The following DLEC1 variants were observed in gnomAD, a reference collection of about 807,000 sequenced individuals.
The protein encoded by DLEC1 is DLEC1 cilia and flagella associated protein, also known as deleted in lung and esophageal cancer protein 1.
Under a neutral mutation model 198.1 loss-of-function variants are expected in DLEC1, and 146 were observed. The ratio of observed to expected loss-of-function variants is 0.74; its 90% CI spans 0.64 to 0.85. The LOEUF (loss-of-function observed/expected upper bound fraction) is 0.85, where lower values mean the gene tolerates loss of function less well. Among genes scored for constraint, DLEC1 ranks in the 40% least tolerant of loss-of-function variants. DLEC1 has a pLI of 0.00. For synonymous variants in DLEC1, 897 were observed against 866.8 expected (o/e 1.03, Z -0.61); for missense variants, 2,233 against 2,220.0 (o/e 1.01, Z -0.12).
intron 2 of DLEC1, among the ~76,000 whole-genome samples, chr3:38,053,281 C>T (rs1358233474): frequency 2.6e-5 from 4 of 151,516 alleles, no homozygotes; most frequent in African/African-American, 7.3e-5. Context: ...CCCCTCTGCC[C>T]GGCCGCCCAG....
At chr3:38,085,489 G>C in intron 8 of DLEC1, 42 bp downstream of exon 8, 1 of 1,607,254 alleles carries the variant, frequency 6.2e-7, no homozygotes, top group Non-Finnish European at 8.5e-7. Flanking sequence ...AGTTAAGGTT[G>C]GAGAGTCCCC....
At chr3:38,114,293 T>G (rs994085246) in intron 25 of DLEC1, 49 bp from the exon 26 acceptor site, 1 of 1,591,770 alleles carries the variant, frequency 6.3e-7, no homozygotes, top group Non-Finnish European at 8.6e-7. Flanking sequence ...AGAGGGGATG[T>G]GGTCGCAACC....
chr3:38,058,239 C>G (rs1696483961), intron 2 of DLEC1, among the ~76,000 whole-genome samples: 1 of 152,226 alleles, frequency 6.6e-6, no homozygotes, highest in Admixed American at 6.5e-5. Flanking sequence ...ACTCCCATAT[C>G]TTCTTGCCTG....
intron 28 of DLEC1, 34 bp from the exon 29 acceptor site, chr3:38,116,739 G>T: frequency 1.2e-6 from 2 of 1,608,120 alleles, no homozygotes; most frequent in South Asian, 1.1e-5. Context: ...GAACCTCAGT[G>T]ACTGCGTGAA....
At position 38,122,564 on chromosome 3, in the gene DLEC1, C is replaced by A. The variant is rs1241212929; in HGVS notation, c.*152C>A. The stretch of plus-strand genomic sequence containing the variant: ...TGGAAGAACCCCCTTCCACAATGGT[C>A]TCAGCCTAGGCCCTCATGATATGTC... On this transcript the variant is annotated 3_prime_UTR_variant, in exon 37 of 37. Coordinates refer to ENST00000308059, the MANE Select transcript of DLEC1 (RefSeq NM_007335.4). 5.6e-6 allele frequency: 9 copies of A among 1,603,046 alleles called. No homozygotes were observed. The Admixed American group carries it at 1.5e-4, about 27-fold the overall frequency.
intron 15 of DLEC1, 138 bp from the exon 16 acceptor site, chr3:38,097,044 T>C (rs1478450293): frequency 1.0e-5 from 9 of 893,434 alleles, no homozygotes; most frequent in Non-Finnish European, 1.5e-5. Flanking sequence ...GGGAGGCCCA[T>C]GGCTTTGGGT....
chr3:38,059,929 G>T, intron 3 of DLEC1, 77 bp downstream of exon 3: 1 of 1,194,662 alleles, frequency 8.4e-7, no homozygotes, highest in South Asian at 1.3e-5. Flanking sequence ...CACCTCTGCT[G>T]CCATTTCCTT....
At chr3:38,042,723 T>G (rs908687305) in intron 1 of DLEC1, among the ~76,000 whole-genome samples, 1 of 151,994 alleles carries the variant, frequency 6.6e-6, no homozygotes, top group Non-Finnish European at 1.5e-5. Context: ...ACCAGGCTAA[T>G]TTTTTGTATT....
chr3:38,081,568 G>A (rs1262494038), intron 6 of DLEC1, among the ~76,000 whole-genome samples: 1 of 104,108 alleles, frequency 9.6e-6, no homozygotes, highest in African/African-American at 4.4e-5. Flanking sequence ...GGCCGGGCAG[G>A]GGGCTGAGCC....
rs1046362639 is a variant in DLEC1, at chr3:38,122,207, C to T, written c.5144+13C>T. 6.2e-7 allele frequency: 1 copy of T among 1,612,240 alleles called. No homozygotes were observed. The highest frequency in any genetic ancestry group is 1.7e-5 in the Admixed American group (1 of 59,912). ...TCTTCACTGCCAGGTGCAGCCCCTTCCAACCTTCCCCAAACTGCCCACAGA... is the reference window on the plus strand; with the variant it reads ...TCTTCACTGCCAGGTGCAGCCCCTTTCAACCTTCCCCAAACTGCCCACAGA... On this transcript the variant is annotated intron_variant, in intron 36 of 36. Transcript: ENST00000308059.
At chr3:38,068,735 G>A (rs1452482615) in intron 6 of DLEC1, among the ~76,000 whole-genome samples, 1 of 152,238 alleles carries the variant, frequency 6.6e-6, no homozygotes, top group Non-Finnish European at 1.5e-5. Flanking sequence ...GGAGAGATTT[G>A]TAGGGTGGTG....
At chr3:38,043,955 T>TA (rs1559388946) in intron 1 of DLEC1, among the ~76,000 whole-genome samples, 4 of 150,482 alleles carry the variant, frequency 2.7e-5, no homozygotes, top group South Asian at 2.1e-4. Flanking sequence ...CTACATAAAC[T>TA]GTTTTTTTTT....
chr3:38,079,741 A>G (rs907661311), intron 6 of DLEC1, among the ~76,000 whole-genome samples: 2 of 152,168 alleles, frequency 1.3e-5, no homozygotes, highest in Non-Finnish European at 2.9e-5. Context: ...CACTCGTAGC[A>G]AGCTCCTGGG....
intron 32 of DLEC1, 93 bp downstream of exon 32, chr3:38,117,704 C>T (rs1434261234): frequency 6.3e-7 from 1 of 1,598,898 alleles, no homozygotes; most frequent in African/African-American, 1.3e-5. Flanking sequence ...ATAGTCTGAG[C>T]CCAAATCCCC....
intron 33 of DLEC1, among the ~76,000 whole-genome samples, chr3:38,119,625 G>A (rs529273028): frequency 6.6e-6 from 1 of 151,686 alleles, no homozygotes; most frequent in Non-Finnish European, 1.5e-5. Flanking sequence ...CTGAAGCCTC[G>A]ACTGCCTGGG....
At position 38,068,519 on chromosome 3, in the gene DLEC1, G is replaced by C. The variant is rs79037376; in HGVS notation, c.1173+4600G>C. On this transcript the variant is annotated intron_variant, in intron 6 of 36. Transcript: ENST00000308059. ...GTGCTAGGATTACAGGCGTGAGCCA[G>C]TGTCCAGCCTAGACTTCATCTCTAA... Among the ~76,000 whole-genome samples, 1,425 of 152,346 alleles carry C rather than the reference G, an allele frequency of 9.4e-3. 17 individuals carry two copies. The highest frequency in any genetic ancestry group is 0.032 in the African/African-American group (1,322 of 41,566).
At chr3:38,089,255 G>C (rs966816848) in intron 10 of DLEC1, among the ~76,000 whole-genome samples, 4 of 152,230 alleles carry the variant, frequency 2.6e-5, no homozygotes, top group Non-Finnish European at 5.9e-5. Flanking sequence ...ACAACACCAA[G>C]GCCCTATCCC....
At chr3:38,119,161 A>G (rs1700330411) in intron 33 of DLEC1, among the ~76,000 whole-genome samples, 2 of 152,214 alleles carry the variant, frequency 1.3e-5, no homozygotes, top group African/African-American at 4.8e-5. Flanking sequence ...GAAAAAGGAC[A>G]TCACATAATT....
chr3:38,064,172 T>G (rs1353391901), intron 6 of DLEC1, among the ~76,000 whole-genome samples: 1 of 152,020 alleles, frequency 6.6e-6, no homozygotes, highest in Non-Finnish European at 1.5e-5. Flanking sequence ...TCCGCAGTGT[T>G]TGTGTCCCTG....
Sources: allele counts gnomAD v4.1 joint callset (sites outside exome capture counted in the v4.1 genomes callset), GRCh38; gene constraint gnomAD v4.1.1; transcripts MANE v1.5; gene names NCBI Gene and HGNC (gene_info 2026-07-23, HGNC 2026-07-21).